Variants in ZFAND3 observed in about 807,000 individuals in gnomAD.
ZFAND3 encodes AN1-type zinc finger protein 3.
A neutral mutation model predicts 29.6 loss-of-function variants in ZFAND3; 10 were observed. The ratio of observed to expected loss-of-function variants is 0.34; its 90% CI spans 0.21 to 0.57. The LOEUF (loss-of-function observed/expected upper bound fraction) is 0.57, where lower values mean the gene tolerates loss of function less well. ZFAND3 is among the 20% of genes least tolerant of loss of function. The probability of loss-of-function intolerance (pLI) is 0.86; values close to 1 mark genes in which losing one functional copy is unlikely to be tolerated. For synonymous variants in ZFAND3, 128 were observed against 112.6 expected, an observed-to-expected ratio of 1.14 and a Z score of -0.87; for missense variants, 230 against 304.5, an observed-to-expected ratio of 0.76 and a Z score of 1.82.
intron 5 of ZFAND3, among the ~76,000 whole-genome samples, chr6:38,131,020 C>T (rs1252726787): frequency 6.6e-6 from 1 of 152,072 alleles, no homozygotes; most frequent in East Asian, 1.9e-4. Context: ...TCTAATTCTT[C>T]CTGATGTAAG....
At chr6:37,990,180 C>A (rs1416033048) in intron 2 of ZFAND3, among the ~76,000 whole-genome samples, 1 of 152,092 alleles carries the variant, frequency 6.6e-6, no homozygotes, top group Non-Finnish European at 1.5e-5. Flanking sequence ...GGAGAATTTT[C>A]GTTTTTAGTA....
intron 4 of ZFAND3, among the ~76,000 whole-genome samples, chr6:38,099,698 T>C (rs1581916574): frequency 6.6e-6 from 1 of 152,156 alleles, no homozygotes; most frequent in Non-Finnish European, 1.5e-5. Context: ...TAGCAAGGAG[T>C]AAAGAAAAAG....
chr6:37,954,022 T>C (rs1762044364), intron 2 of ZFAND3, among the ~76,000 whole-genome samples: 1 of 152,210 alleles, frequency 6.6e-6, no homozygotes, highest in Non-Finnish European at 1.5e-5. Context: ...GCTTTTCTTC[T>C]TTAGTATTTT....
At chr6:37,992,869 C>T (rs1275613164) in intron 2 of ZFAND3, among the ~76,000 whole-genome samples, 1 of 151,934 alleles carries the variant, frequency 6.6e-6, no homozygotes, top group Admixed American at 6.6e-5. Context: ...AAGCCTTGAT[C>T]AAAGTCTGTT....
chr6:37,876,350 A>G (rs1764792495), intron 1 of ZFAND3, among the ~76,000 whole-genome samples: 1 of 152,246 alleles, frequency 6.6e-6, no homozygotes, highest in Admixed American at 6.5e-5. Context: ...AGTTACTGGT[A>G]GCTCCTGAAA....
At chr6:38,088,095 A>C (rs948611352) in intron 4 of ZFAND3, among the ~76,000 whole-genome samples, 1 of 152,230 alleles carries the variant, frequency 6.6e-6, no homozygotes, top group South Asian at 2.1e-4. Flanking sequence ...TCATGGAAAC[A>C]ATATTCATTG....
At chr6:37,962,424 A>G (rs1401358342) in intron 2 of ZFAND3, among the ~76,000 whole-genome samples, 1 of 152,212 alleles carries the variant, frequency 6.6e-6, no homozygotes, top group African/African-American at 2.4e-5. Flanking sequence ...AGGCATAGAA[A>G]GTTTATTCAA....
intron 5 of ZFAND3, among the ~76,000 whole-genome samples, chr6:38,124,216 A>T (rs1184273673): frequency 1.3e-5 from 2 of 152,226 alleles, no homozygotes; most frequent in African/African-American, 2.4e-5. Context: ...TTAGCTAGAC[A>T]TAAAGGTTCT....
At chr6:38,092,824 C>T (rs1482576985) in intron 4 of ZFAND3, among the ~76,000 whole-genome samples, 2 of 152,148 alleles carry the variant, frequency 1.3e-5, no homozygotes, top group Non-Finnish European at 1.5e-5. Flanking sequence ...AAGGGCTTTC[C>T]GGTTTGATCC....
intron 5 of ZFAND3, among the ~76,000 whole-genome samples, chr6:38,149,013 G>T (rs915877552): frequency 2.6e-5 from 4 of 152,092 alleles, no homozygotes; most frequent in African/African-American, 9.7e-5. Context: ...TGCTACCAGC[G>T]CTGCTCCCAA....
chr6:37,932,687 A>AT (rs1171332576), intron 2 of ZFAND3, among the ~76,000 whole-genome samples: 1 of 152,208 alleles, frequency 6.6e-6, no homozygotes, highest in Non-Finnish European at 1.5e-5. Flanking sequence ...AGTTAAAAAA[A>AT]TTTTAACTAT....
chr6:37,921,077 A>G (rs1761367461), intron 1 of ZFAND3, among the ~76,000 whole-genome samples: 2 of 151,258 alleles, frequency 1.3e-5, no homozygotes. Flanking sequence ...TTCCTTTACC[A>G]CCCCACTCCT....
intron 1 of ZFAND3, among the ~76,000 whole-genome samples, chr6:37,894,660 C>G (rs1765165846): frequency 6.6e-6 from 1 of 152,306 alleles, no homozygotes; most frequent in East Asian, 1.9e-4. Context: ...GCAGGAGCCA[C>G]CACACCCGGC....
At chr6:38,018,666 GC>G (rs1196810527) in intron 2 of ZFAND3, among the ~76,000 whole-genome samples, 1 of 152,018 alleles carries the variant, frequency 6.6e-6, no homozygotes, top group African/African-American at 2.4e-5. Context: ...ACATTATACT[GC>G]CATTTATTAA....
At chr6:37,878,043 G>T (rs965627590) in intron 1 of ZFAND3, among the ~76,000 whole-genome samples, 1 of 152,212 alleles carries the variant, frequency 6.6e-6, no homozygotes. Context: ...GTTGGTGACA[G>T]CAGTAGTTGG....
At chr6:37,967,035 T>C (rs946137661) in intron 2 of ZFAND3, among the ~76,000 whole-genome samples, 2 of 152,236 alleles carry the variant, frequency 1.3e-5, no homozygotes, top group Admixed American at 1.3e-4. Flanking sequence ...GCATACATTT[T>C]CAGTTTGACT....
Position 38,139,583 on chromosome 6 carries a change from AGGG to A in ZFAND3, c.530-12651_530-12649del, listed in dbSNP as rs765612007. ...CAGTGTGTCTGGGACATAGAATGCA[AGGG>A]AGTAAATGGCACAAGGGGAAGCGGC... On this transcript the variant is annotated intron_variant, in intron 5 of 5. Transcript: ENST00000287218. Among the ~76,000 whole-genome samples, 8 of 152,258 alleles carry A rather than the reference AGGG, an allele frequency of 5.3e-5. No homozygotes were observed. In the East Asian group the frequency reaches 1.4e-3, roughly 26 times the overall value.
intron 1 of ZFAND3, among the ~76,000 whole-genome samples, chr6:37,929,200 G>T (rs907733894): frequency 6.6e-6 from 1 of 152,134 alleles, no homozygotes; most frequent in Non-Finnish European, 1.5e-5. Flanking sequence ...ATTATTCATC[G>T]CTTGTAACCA....
intron 2 of ZFAND3, among the ~76,000 whole-genome samples, chr6:37,952,875 T>C (rs958305331): frequency 2.0e-5 from 3 of 151,758 alleles, no homozygotes; most frequent in African/African-American, 4.8e-5. Context: ...TCTGCAGATC[T>C]GCTTGGAGTG....
Sources: allele counts gnomAD v4.1 joint callset (sites outside exome capture counted in the v4.1 genomes callset), GRCh38; gene constraint gnomAD v4.1.1; transcripts MANE v1.5; gene names NCBI Gene and HGNC (gene_info 2026-07-23, HGNC 2026-07-21).